The following ZNF529 variants were observed in gnomAD, a reference collection of about 807,000 sequenced individuals.
The protein encoded by ZNF529 is zinc finger protein 529.
A neutral mutation model predicts 10.1 loss-of-function variants in ZNF529; 11 were observed. The observed-to-expected ratio is 1.09, with a 90% CI of 0.69 to 1.81. The LOEUF (loss-of-function observed/expected upper bound fraction) is 1.81, where lower values mean the gene tolerates loss of function less well. Among genes scored for constraint, ZNF529 ranks in the 40% most tolerant of loss-of-function variants. The probability of loss-of-function intolerance (pLI) is 0.00; values close to 1 mark genes in which losing one functional copy is unlikely to be tolerated. For missense variants in ZNF529, 624 were observed against 666.8 expected (o/e 0.94, Z 0.71); for synonymous variants, 204 against 215.7 (o/e 0.95, Z 0.47).
At chr19:36,593,164 T>C (rs2036763918) in intron 1 of ZNF529, among the ~76,000 whole-genome samples, 1 of 152,140 alleles carries the variant, frequency 6.6e-6, no homozygotes, top group Non-Finnish European at 1.5e-5. Context: ...TACTTAAAAA[T>C]CCTAAAGAGT....
chr19:36,582,902 A>C (rs937591623), intron 2 of ZNF529, among the ~76,000 whole-genome samples: 1 of 152,274 alleles, frequency 6.6e-6, no homozygotes, highest in Non-Finnish European at 1.5e-5. Flanking sequence ...GCCACTACGG[A>C]TCCTATAGAC....
At chr19:36,584,182 G>A (rs1214312761) in intron 2 of ZNF529, among the ~76,000 whole-genome samples, 1 of 152,168 alleles carries the variant, frequency 6.6e-6, no homozygotes, top group East Asian at 1.9e-4. Context: ...GGCACAAGAT[G>A]TCAGAAGACA....
intron 1 of ZNF529, among the ~76,000 whole-genome samples, chr19:36,600,587 T>C (rs2036908105): frequency 6.6e-6 from 1 of 152,200 alleles, no homozygotes; most frequent in African/African-American, 2.4e-5. Flanking sequence ...TTGGACAAAC[T>C]CTTCCTAAAG....
chr19:36,558,798 T>TA (rs1470738356), intron 2 of ZNF529, among the ~76,000 whole-genome samples: 3 of 151,702 alleles, frequency 2.0e-5, no homozygotes, highest in African/African-American at 7.3e-5. Flanking sequence ...CAAATAAAAT[T>TA]AAAAAGCTTC....
chr19:36,591,748 T>G (rs1202771848), intron 1 of ZNF529, among the ~76,000 whole-genome samples: 1 of 151,606 alleles, frequency 6.6e-6, no homozygotes, highest in Non-Finnish European at 1.5e-5. Flanking sequence ...GAAATTTAAT[T>G]TATTACATCA....
chr19:36,559,051 A>G (rs2035583710), intron 2 of ZNF529, among the ~76,000 whole-genome samples: 1 of 152,166 alleles, frequency 6.6e-6, no homozygotes, highest in South Asian at 2.1e-4. Context: ...ACTAAACATC[A>G]GGGAAATGCA....
chr19:36,572,479 C>G, intron 1 of ZNF529, 87 bp from the exon 2 acceptor site: 1 of 1,059,818 alleles, frequency 9.4e-7, no homozygotes, highest in Non-Finnish European at 1.4e-6. Flanking sequence ...AAGCCCATCA[C>G]ACACAACAAA....
chr19:36,556,714 C>G (rs1475502070), intron 2 of ZNF529, among the ~76,000 whole-genome samples: 4 of 152,230 alleles, frequency 2.6e-5, no homozygotes, highest in African/African-American at 9.6e-5. Context: ...ACCAAGCACT[C>G]AGCTCCTAAA....
intron 2 of ZNF529, among the ~76,000 whole-genome samples, chr19:36,566,173 A>G (rs2035891606): frequency 1.3e-5 from 2 of 152,320 alleles, no homozygotes; most frequent in Non-Finnish European, 2.9e-5. Flanking sequence ...GTGGGAAAAC[A>G]ACAACAACAA....
chr19:36,567,135 G>C (rs1443785405), intron 2 of ZNF529, among the ~76,000 whole-genome samples: 3 of 152,260 alleles, frequency 2.0e-5, no homozygotes, highest in African/African-American at 7.2e-5. Context: ...GTGGGGCACG[G>C]AATATGGATA....
chr19:36,560,483 T>C (rs558750104), intron 2 of ZNF529, among the ~76,000 whole-genome samples: 1 of 152,228 alleles, frequency 6.6e-6, no homozygotes, highest in Admixed American at 6.5e-5. Context: ...TGAATCCAGA[T>C]GGTAACTCGA....
rs1271453416 is a variant in ZNF529 at position 36,544,866 on chromosome 19, A to T, written c.*2000T>A. ...TCTGGGAAAGACATCAGTTTCAAAA[A>T]TTAAAATGTAATGAATGACAGTGAC... On this transcript the variant is annotated 3_prime_UTR_variant, in exon 5 of 5. Coordinates refer to ENST00000591340, the MANE Select transcript of ZNF529 (RefSeq NM_020951.5). The T allele has an allele frequency of 6.6e-6, 1 of 152,240 alleles. No individual in the cohort carries two copies. The highest frequency in any genetic ancestry group is 2.4e-5 in the African/African-American group (1 of 41,472). 9.4% of individuals were successfully genotyped at this position (152,240 alleles called of 1,614,324 possible).
intron 1 of ZNF529, among the ~76,000 whole-genome samples, chr19:36,592,284 CAAAAAAAAAA>C (rs35717465): frequency 2.2e-4 from 11 of 49,850 alleles, no homozygotes; most frequent in Admixed American, 8.6e-4. Flanking sequence ...GACTTTGTCT[CAAAAAAAAAA>C]AAAAAAAAAA....
chr19:36,600,828 T>C (rs2036912224), intron 1 of ZNF529, among the ~76,000 whole-genome samples: 1 of 152,204 alleles, frequency 6.6e-6, no homozygotes, highest in Non-Finnish European at 1.5e-5. Flanking sequence ...AATTTTTGAA[T>C]TGCATATAAT....
intron 2 of ZNF529, among the ~76,000 whole-genome samples, chr19:36,564,439 T>C (rs1403461546): frequency 6.6e-6 from 1 of 152,166 alleles, no homozygotes; most frequent in Non-Finnish European, 1.5e-5. Context: ...GGGTAAAGGA[T>C]ATGAACAGAC....
At chr19:36,557,599 C>T (rs1351043794) in intron 2 of ZNF529, among the ~76,000 whole-genome samples, 1 of 152,200 alleles carries the variant, frequency 6.6e-6, no homozygotes, top group Admixed American at 6.5e-5. Flanking sequence ...CTGCCCTTGA[C>T]ATGTGGGGAT....
At chr19:36,574,783 G>C, upstream of ZNF529, 1 of 469,970 alleles carries the variant, frequency 2.1e-6, no homozygotes, top group South Asian at 1.6e-5. Context: ...AATTTGTGTA[G>C]TCATTTTTCT....
Position 36,547,669 on chromosome 19 carries a change from G to A in ZNF529, c.889C>T (p.Leu297Phe). 1.9e-6 allele frequency: 3 copies of A among 1,613,852 alleles called. No individual in the cohort carries two copies. Among genetic ancestry groups the A allele is most frequent in the Non-Finnish European group, 2.5e-6 (3 of 1,179,818 alleles). The change falls in exon 5 of 5, where the codon CTT (leucine) becomes TTT (phenylalanine). Residue 297 changes from leucine (L) to phenylalanine (F), a missense_variant. By Grantham distance (22) the Leu-to-Phe change is conservative (BLOSUM62 0). Transcript: ENST00000591340. Reference protein sequence around the residue: ...CGKSFRVHAQLTRHQKIHTDE... With the variant: ...CGKSFRVHAQFTRHQKIHTDE... ...GTATGGATTTTCTGATGTCGAGTAA[G>A]TTGTGCATGCACTCTAAAGGATTTC...
chr19:36,568,963 C>A (rs976292515), intron 2 of ZNF529, among the ~76,000 whole-genome samples: 18 of 152,182 alleles, frequency 1.2e-4, no homozygotes, highest in Non-Finnish European at 1.9e-4. Flanking sequence ...CCTGTGGATA[C>A]TTGGAGCAAA....
Sources: gnomAD v4.1 joint callset for allele counts (sites outside exome capture counted in the v4.1 genomes callset) on GRCh38, gnomAD v4.1.1 for gene constraint, MANE v1.5 for transcripts, NCBI Gene and HGNC (gene_info 2026-07-23, HGNC 2026-07-21) for gene names.